GALNTL6: variants seen among roughly 807,000 people sequenced by gnomAD.
GALNTL6 encodes polypeptide N-acetylgalactosaminyltransferase-like 6.
GALNTL6 carries 46 observed loss-of-function variants against 73.7 expected under a neutral mutation model. The observed-to-expected ratio is 0.62, with a 90% CI of 0.49 to 0.80. The LOEUF (loss-of-function observed/expected upper bound fraction) is 0.80. GALNTL6 is among the 30% of genes least tolerant of loss of function. The pLI, the probability that GALNTL6 is intolerant of heterozygous loss-of-function variation, is 0.00. For synonymous variants in GALNTL6, 259 were observed against 263.7 expected (o/e 0.98, Z 0.17); for missense variants, 604 against 755.0 (o/e 0.80, Z 2.34).
intron 12 of GALNTL6, among the ~76,000 whole-genome samples, chr4:173,026,314 T>C (rs140195118): frequency 1.9e-4 from 29 of 152,216 alleles, no homozygotes; most frequent in African/African-American, 6.7e-4. Flanking sequence ...CTGGAAATGG[T>C]ATATAGAACA....
chr4:172,528,852 T>C (rs1280653594), intron 5 of GALNTL6, among the ~76,000 whole-genome samples: 2 of 149,180 alleles, frequency 1.3e-5, no homozygotes, highest in Non-Finnish European at 3.0e-5. Flanking sequence ...CACTTTTGCA[T>C]ACATTATATT....
intron 3 of GALNTL6, among the ~76,000 whole-genome samples, chr4:172,268,300 C>T (rs910095118): frequency 3.3e-5 from 5 of 152,156 alleles, no homozygotes; most frequent in African/African-American, 4.8e-5. Context: ...ATGGAATGCT[C>T]TTGGGATCAC....
At chr4:172,233,434 C>A (rs1263106477) in intron 3 of GALNTL6, among the ~76,000 whole-genome samples, 4 of 152,018 alleles carry the variant, frequency 2.6e-5, no homozygotes, top group Non-Finnish European at 5.9e-5. Context: ...TCCACCTAGT[C>A]TTCATTTTTA....
intron 5 of GALNTL6, among the ~76,000 whole-genome samples, chr4:172,610,651 T>C (rs1023836319): frequency 6.6e-6 from 1 of 152,120 alleles, no homozygotes; most frequent in African/African-American, 2.4e-5. Context: ...GTGATTAGAC[T>C]GTATATTCTG....
At chr4:171,856,473 G>T (rs1304415738) in intron 2 of GALNTL6, among the ~76,000 whole-genome samples, 1 of 151,896 alleles carries the variant, frequency 6.6e-6, no homozygotes, top group Non-Finnish European at 1.5e-5. Flanking sequence ...CATATATTTG[G>T]TGTCGTATCT....
chr4:173,005,414 C>A (rs961567897), intron 10 of GALNTL6, among the ~76,000 whole-genome samples: 1 of 152,086 alleles, frequency 6.6e-6, no homozygotes, highest in Non-Finnish European at 1.5e-5. Flanking sequence ...TTTAATATCC[C>A]GTGTCCTAAG....
chr4:172,043,539 G>T (rs192369385), intron 2 of GALNTL6, among the ~76,000 whole-genome samples: 1 of 152,120 alleles, frequency 6.6e-6, no homozygotes, highest in East Asian at 1.9e-4. Flanking sequence ...AATACATAAT[G>T]ATATATAACC....
In GALNTL6 at chr4:173,005,298, T is replaced by C. The variant is rs1752224885; in HGVS notation, c.1372-3880T>C. Among the ~76,000 whole-genome samples, 4 of 152,226 alleles carry C rather than the reference T, an allele frequency of 2.6e-5. No homozygotes were observed. The South Asian group carries it at 8.3e-4, about 32-fold the overall frequency. ...AGCACTGCCTCATTTTCTAATCCTG[T>C]TAAGTGTCTCTCAGGATTCCGTGAC... On this transcript the variant is annotated intron_variant, in intron 10 of 12. Transcript: ENST00000506823.
chr4:172,186,983 A>G (rs964601561), intron 2 of GALNTL6, among the ~76,000 whole-genome samples: 1 of 152,084 alleles, frequency 6.6e-6, no homozygotes, highest in Non-Finnish European at 1.5e-5. Flanking sequence ...AAATTGGTAC[A>G]TTGCCCACTA....
intron 5 of GALNTL6, among the ~76,000 whole-genome samples, chr4:172,439,554 C>T (rs1380148082): frequency 6.6e-6 from 1 of 151,638 alleles, no homozygotes; most frequent in African/African-American, 2.4e-5. Context: ...CTTCTCTTTT[C>T]ATTTATACTT....
intron 5 of GALNTL6, among the ~76,000 whole-genome samples, chr4:172,767,731 T>C (rs1419512870): frequency 2.8e-5 from 4 of 142,212 alleles, no homozygotes; most frequent in African/African-American, 1.0e-4. Context: ...AATGAATGAC[T>C]CCATCTCAGC....
chr4:172,379,653 AAAAATAAAAT>A (rs76730414), intron 5 of GALNTL6, among the ~76,000 whole-genome samples: 119 of 150,832 alleles, frequency 7.9e-4, no homozygotes, highest in Middle Eastern at 3.4e-3. Flanking sequence ...CCCCCCTGAA[AAAAATAAAAT>A]AAAATAAAAT....
chr4:172,628,991 A>G (rs1370412538), intron 5 of GALNTL6, among the ~76,000 whole-genome samples: 3 of 152,164 alleles, frequency 2.0e-5, no homozygotes, highest in Admixed American at 2.0e-4. Context: ...ATATGCCACA[A>G]AGATTCTGAT....
At chr4:172,100,717 C>G (rs17284968) in intron 2 of GALNTL6, among the ~76,000 whole-genome samples, 2,481 of 152,192 alleles carry the variant, frequency 0.016, 28 homozygotes, top group Middle Eastern at 0.038. Context: ...TGAGAAAATA[C>G]ATTGAAAAGG....
intron 5 of GALNTL6, among the ~76,000 whole-genome samples, chr4:172,753,358 A>G (rs1473701446): frequency 6.6e-6 from 1 of 152,202 alleles, no homozygotes; most frequent in Admixed American, 6.5e-5. Context: ...TATTAGCAGC[A>G]TGAGAACAGA....
intron 2 of GALNTL6, among the ~76,000 whole-genome samples, chr4:171,941,421 C>T (rs1183382484): frequency 6.6e-6 from 1 of 152,182 alleles, no homozygotes; most frequent in South Asian, 2.1e-4. Context: ...TGCATTTTCC[C>T]CCTTGATGCC....
At chr4:172,079,127 C>A (rs2110917331) in intron 2 of GALNTL6, among the ~76,000 whole-genome samples, 1 of 152,054 alleles carries the variant, frequency 6.6e-6, no homozygotes, top group East Asian at 1.9e-4. Flanking sequence ...CTAACTATAT[C>A]ACCATCTATG....
At chr4:172,730,470 G>A (rs1035831374) in intron 5 of GALNTL6, among the ~76,000 whole-genome samples, 3 of 152,106 alleles carry the variant, frequency 2.0e-5, no homozygotes, top group African/African-American at 7.2e-5. Context: ...ATGCTTTTGA[G>A]GCATCTGTTG....
intron 8 of GALNTL6, among the ~76,000 whole-genome samples, chr4:172,901,127 A>G (rs966097865): frequency 6.6e-6 from 1 of 152,134 alleles, no homozygotes; most frequent in Non-Finnish European, 1.5e-5. Context: ...TTTGGTGGGA[A>G]TGATAGATTC....
Sources: allele counts gnomAD v4.1 joint callset (sites outside exome capture counted in the v4.1 genomes callset), GRCh38; gene constraint gnomAD v4.1.1; transcripts MANE v1.5; gene names NCBI Gene and HGNC (gene_info 2026-07-23, HGNC 2026-07-21).